Variants in LYPD6 observed in about 807,000 individuals in gnomAD.
LYPD6 encodes the protein ly6/PLAUR domain-containing protein 6.
Under a neutral mutation model 22.7 loss-of-function variants are expected in LYPD6, and 15 were observed. The ratio of observed to expected loss-of-function variants is 0.66; its 90% confidence interval spans 0.44 to 1.02. LYPD6 has a LOEUF of 1.02. Among genes scored for constraint, LYPD6 ranks in the 50% least tolerant of loss-of-function variants. The pLI, the probability that LYPD6 is intolerant of heterozygous loss-of-function variation, is 0.00. For missense variants in LYPD6, 189 were observed against 208.4 expected (o/e 0.91, Z 0.57); for synonymous variants, 72 against 77.5 (o/e 0.93, Z 0.37).
chr2:149,350,738 T>G (rs1481951480), intron 1 of LYPD6, among the ~76,000 whole-genome samples: 3 of 152,260 alleles, frequency 2.0e-5, no homozygotes, highest in Non-Finnish European at 4.4e-5. Context: ...TAAATGCAAG[T>G]AGCCACATGT....
At chr2:149,484,192 A>T in the LYPD6 span, among the ~76,000 whole-genome samples, 1 of 152,236 alleles carries the variant, frequency 6.6e-6, no homozygotes, top group African/African-American at 2.4e-5. Context: ...GAAGTTTACC[A>T]AACTGTTTGA....
chr2:149,339,962 CA>C (rs1198123516), intron 1 of LYPD6, among the ~76,000 whole-genome samples: 1 of 152,078 alleles, frequency 6.6e-6, no homozygotes, highest in Non-Finnish European at 1.5e-5. Context: ...AATGAATTCA[CA>C]ACAACTTTTG....
At chr2:149,482,651 G>T in the LYPD6 span, among the ~76,000 whole-genome samples, 1 of 152,130 alleles carries the variant, frequency 6.6e-6, no homozygotes, top group Non-Finnish European at 1.5e-5. Context: ...GTCAGTTTCT[G>T]TTGCTTGCCA....
At chr2:149,351,220 C>G (rs1312640373) in intron 1 of LYPD6, among the ~76,000 whole-genome samples, 2 of 151,650 alleles carry the variant, frequency 1.3e-5, no homozygotes, top group Non-Finnish European at 2.9e-5. Context: ...ATGGTGAAAC[C>G]CTGCGTCTAA....
chr2:149,398,466 C>T (rs1682476629), intron 1 of LYPD6, among the ~76,000 whole-genome samples: 1 of 150,496 alleles, frequency 6.6e-6, no homozygotes, highest in South Asian at 2.1e-4. Flanking sequence ...TGTGCACACT[C>T]GTTTTGTTGT....
intron 1 of LYPD6, among the ~76,000 whole-genome samples, chr2:149,377,924 T>C (rs1282327996): frequency 6.6e-6 from 1 of 151,918 alleles, no homozygotes; most frequent in Non-Finnish European, 1.5e-5. Flanking sequence ...TCATCGCAAA[T>C]ATACCATCTC....
chr2:149,476,137 T>C (rs2105189971), downstream of LYPD6, among the ~76,000 whole-genome samples: 1 of 152,308 alleles, frequency 6.6e-6, no homozygotes, highest in South Asian at 2.1e-4. Flanking sequence ...CATCAAAATG[T>C]CCCTTCTTTG....
chr2:149,438,759 A>G (rs1266475586), intron 2 of LYPD6, among the ~76,000 whole-genome samples: 1 of 152,236 alleles, frequency 6.6e-6, no homozygotes, highest in African/African-American at 2.4e-5. Context: ...CGTGGTTGGA[A>G]TATTTAATGT....
Position 149,386,504 on chromosome 2 carries a change from A to C in LYPD6, c.-71-51134A>C, listed in dbSNP as rs1682188627. On this transcript the variant is annotated intron_variant, in intron 1 of 4. Transcript: ENST00000334166. ...ATGGGTTCTTGAATATCAGGCTCAG[A>C]GTGGGGACCTGTGACCTGCTTTCCA... is the stretch of plus-strand genomic sequence containing the variant. Among the ~76,000 whole-genome samples the C allele has an allele frequency of 3.9e-5, 6 of 152,148 alleles. No individual in the cohort carries two copies. In the South Asian group the frequency reaches 1.2e-3, roughly 32 times the overall value.
At chr2:149,363,589 C>G (rs1342625459) in intron 1 of LYPD6, among the ~76,000 whole-genome samples, 1 of 152,096 alleles carries the variant, frequency 6.6e-6, no homozygotes, top group Non-Finnish European at 1.5e-5. Flanking sequence ...AATATTGATG[C>G]CTTCAGTAAT....
chr2:149,377,508 C>T (rs894056869), intron 1 of LYPD6, among the ~76,000 whole-genome samples: 7 of 152,226 alleles, frequency 4.6e-5, no homozygotes, highest in African/African-American at 9.6e-5. Context: ...TGGCTGGGTG[C>T]GGTGGCTCAT....
intron 1 of LYPD6, among the ~76,000 whole-genome samples, chr2:149,335,782 T>C (rs1015436706): frequency 5.3e-5 from 8 of 152,206 alleles, no homozygotes; most frequent in Non-Finnish European, 8.8e-5. Context: ...TTTCTATGTT[T>C]AGATACACAC....
At chr2:149,440,526 G>T (rs1208322256) in intron 2 of LYPD6, 2 of 152,122 alleles carry the variant, frequency 1.3e-5, no homozygotes, top group Non-Finnish European at 2.9e-5. Context: ...GATGGAAGTT[G>T]TTCCTAAGTG....
At chr2:149,440,757 G>A (rs1206069287) in intron 2 of LYPD6, among the ~76,000 whole-genome samples, 1 of 135,300 alleles carries the variant, frequency 7.4e-6, no homozygotes, top group Non-Finnish European at 1.5e-5. Flanking sequence ...CTGGAGTGCA[G>A]TGGTGCGATC....
intron 1 of LYPD6, among the ~76,000 whole-genome samples, chr2:149,346,056 A>T (rs1173480781): frequency 1.3e-5 from 2 of 152,040 alleles, no homozygotes. Context: ...TGATGAGCAG[A>T]CTCTCCCTAC....
At chr2:149,386,784 G>A (rs867861454) in intron 1 of LYPD6, among the ~76,000 whole-genome samples, 1 of 152,202 alleles carries the variant, frequency 6.6e-6, no homozygotes, top group East Asian at 1.9e-4. Context: ...TTTCTGTGTG[G>A]CAGCCTGCAG....
At chr2:149,382,614 T>C (rs1196681) in intron 1 of LYPD6, among the ~76,000 whole-genome samples, 68,315 of 151,918 alleles carry the variant, frequency 0.45, 16,342 homozygotes, top group East Asian at 0.9. Context: ...CTCTATACCA[T>C]AAATCACTGG....
intron 1 of LYPD6, among the ~76,000 whole-genome samples, chr2:149,372,720 C>T (rs981631674): frequency 6.6e-6 from 1 of 152,088 alleles, no homozygotes; most frequent in Admixed American, 6.5e-5. Context: ...GTAATAAAGG[C>T]TAGGATAGTA....
intron 1 of LYPD6, among the ~76,000 whole-genome samples, chr2:149,402,233 C>CGTGTGTGTGTGTGT (rs146124855): frequency 1.4e-4 from 21 of 145,634 alleles, no homozygotes; most frequent in African/African-American, 4.7e-4. Flanking sequence ...TGTGTGTTTG[C>CGTGTGTGTGTGTGT]GTGTGTGTGT....
Sources: gnomAD v4.1 joint callset for allele counts (sites outside exome capture counted in the v4.1 genomes callset) on GRCh38, gnomAD v4.1.1 for gene constraint, MANE v1.5 for transcripts, NCBI Gene and HGNC (gene_info 2026-07-23, HGNC 2026-07-21) for gene names.